The following ADAMTS18 variants were observed in gnomAD, a reference collection of about 807,000 sequenced individuals.
ADAMTS18 encodes A disintegrin and metalloproteinase with thrombospondin motifs 18.
ADAMTS18 carries 157 observed loss-of-function variants against 165.9 expected under a neutral mutation model. That is an observed-to-expected ratio of 0.95 (90% confidence interval 0.83 to 1.08). The LOEUF (loss-of-function observed/expected upper bound fraction) is 1.08, where lower values mean the gene tolerates loss of function less well. ADAMTS18 is among the 50% of genes least tolerant of loss of function. The probability of loss-of-function intolerance (pLI) is 0.00; values close to 1 mark genes in which losing one functional copy is unlikely to be tolerated. For synonymous variants in ADAMTS18, 782 were observed against 578.2 expected (o/e 1.35, Z -5.06); for missense variants, 2,040 against 1,534.0 (o/e 1.33, Z -5.51).
intron 10 of ADAMTS18, among the ~76,000 whole-genome samples, chr16:77,350,277 G>C (rs1232489983): frequency 1.1e-4 from 16 of 152,108 alleles, no homozygotes; most frequent in Admixed American, 1.0e-3. Context: ...TGAAGACACA[G>C]AAAACTCGTG....
chr16:77,331,888 G>T (rs959929463), intron 12 of ADAMTS18, among the ~76,000 whole-genome samples: 1 of 152,134 alleles, frequency 6.6e-6, no homozygotes, highest in Non-Finnish European at 1.5e-5. Flanking sequence ...ATATTTTGGG[G>T]AAAAAATAGA....
intron 3 of ADAMTS18, among the ~76,000 whole-genome samples, chr16:77,385,666 A>C (rs1376900832): frequency 2.0e-5 from 3 of 152,132 alleles, no homozygotes; most frequent in Non-Finnish European, 4.4e-5. Context: ...AGCTGTTAAG[A>C]GATGTGATTA....
intron 13 of ADAMTS18, among the ~76,000 whole-genome samples, 185 bp downstream of exon 13, chr16:77,325,678 GAAA>G (rs11410820): frequency 1.4e-5 from 2 of 142,270 alleles, no homozygotes; most frequent in African/African-American, 5.1e-5. Flanking sequence ...CTTATAGGGG[GAAA>G]AAAAAAAAAA....
intron 22 of ADAMTS18, among the ~76,000 whole-genome samples, chr16:77,284,484 G>A (rs1202958719): frequency 6.6e-6 from 1 of 152,008 alleles, no homozygotes; most frequent in African/African-American, 2.4e-5. Context: ...TTTTCTTAAG[G>A]TGAGGGCCTA....
At chr16:77,344,884 C>G (rs1032203013) in intron 10 of ADAMTS18, among the ~76,000 whole-genome samples, 1 of 152,146 alleles carries the variant, frequency 6.6e-6, no homozygotes, top group South Asian at 2.1e-4. Flanking sequence ...CTTGAGAAGG[C>G]TCCCTTTCAA....
chr16:77,363,317 TG>T (rs1330804907), intron 6 of ADAMTS18, among the ~76,000 whole-genome samples: 2 of 152,174 alleles, frequency 1.3e-5, no homozygotes, highest in Non-Finnish European at 2.9e-5. Context: ...AAGATGGTAC[TG>T]GGGATACAGT....
Position 77,371,259 on chromosome 16 carries a change from A to C in ADAMTS18, c.496-3536T>G, listed in dbSNP as rs4316773. Reference sequence around the variant, plus strand: ...AACAAAAACAAAAACAAAAACGGAGAAAAAGAAAAAAGAAAACACAATCCT... The same window carrying C: ...AACAAAAACAAAAACAAAAACGGAGCAAAAGAAAAAAGAAAACACAATCCT... On this transcript the variant is annotated intron_variant, in intron 3 of 22. Coordinates refer to ENST00000282849, the MANE Select transcript of ADAMTS18 (RefSeq NM_199355.4). 1.8e-3 allele frequency among the ~76,000 whole-genome samples: 271 copies of C among 152,176 alleles called. 1 individual carries two copies. Among genetic ancestry groups the C allele is most frequent in the African/African-American group, 6.4e-3 (266 of 41,524 alleles).
chr16:77,328,607 A>G (rs922345646), intron 12 of ADAMTS18, among the ~76,000 whole-genome samples: 1 of 152,202 alleles, frequency 6.6e-6, no homozygotes, highest in Non-Finnish European at 1.5e-5. Context: ...GACTTCTTAA[A>G]TGATTATCTG....
intron 3 of ADAMTS18, among the ~76,000 whole-genome samples, chr16:77,386,890 G>C (rs767420275): frequency 6.6e-6 from 1 of 152,148 alleles, no homozygotes; most frequent in Non-Finnish European, 1.5e-5. Context: ...TGTGAAATCT[G>C]TGAGTCTGCA....
Position 77,410,513 on chromosome 16 carries a change from G to A in ADAMTS18, c.495+20782C>T, listed in dbSNP as rs534664505. The stretch of plus-strand genomic sequence containing the variant: ...AGGCCTATGGAGGTACACTAAAGAT[G>A]GCAGTTTGAGAACTGCATCCCTAAT... On this transcript the variant is annotated intron_variant, in intron 3 of 22. Coordinates refer to ENST00000282849, the MANE Select transcript of ADAMTS18 (RefSeq NM_199355.4). Among the ~76,000 whole-genome samples, 4 of 152,150 alleles carry A rather than the reference G, an allele frequency of 2.6e-5. No individual in the cohort carries two copies. The East Asian group carries it at 7.8e-4, about 30-fold the overall frequency.
At chr16:77,330,344 A>T (rs2056167275) in intron 12 of ADAMTS18, among the ~76,000 whole-genome samples, 1 of 152,184 alleles carries the variant, frequency 6.6e-6, no homozygotes, top group Non-Finnish European at 1.5e-5. Context: ...AGGATCCCTT[A>T]TGGGGTGATA....
intron 3 of ADAMTS18, among the ~76,000 whole-genome samples, chr16:77,390,798 C>T (rs777814786): frequency 4.6e-4 from 70 of 152,112 alleles, no homozygotes; most frequent in Non-Finnish European, 6.8e-4. Context: ...AGTCACTACC[C>T]ATATGTGGTT....
intron 3 of ADAMTS18, chr16:77,379,092 A>C (rs371911182): frequency 2.0e-5 from 3 of 152,310 alleles, no homozygotes; most frequent in African/African-American, 7.2e-5. Context: ...CAAGGACTCT[A>C]GGTTTTAGTT....
intron 3 of ADAMTS18, among the ~76,000 whole-genome samples, chr16:77,373,498 A>AG (rs1205919574): frequency 6.6e-6 from 1 of 152,012 alleles, no homozygotes; most frequent in East Asian, 1.9e-4. Context: ...AGAAAAGAAA[A>AG]AAAAGTTATC....
intron 3 of ADAMTS18, among the ~76,000 whole-genome samples, chr16:77,430,878 T>C (rs2057729997): frequency 6.6e-6 from 1 of 152,186 alleles, no homozygotes; most frequent in Non-Finnish European, 1.5e-5. Context: ...AAAGTGAAGG[T>C]TGATCTTACC....
rs140015839 is a variant in ADAMTS18 at position 77,404,180 on chromosome 16, G to C, written c.495+27115C>G. The stretch of plus-strand genomic sequence containing the variant: ...AGGAGGAAGAGGAGGAGGTGGAGGA[G>C]CAAAAAAACGTGAATGAATAAATCA... On this transcript the variant is annotated intron_variant, in intron 3 of 22. Transcript: ENST00000282849. Among the ~76,000 whole-genome samples, 140 of 152,126 alleles carry C rather than the reference G, an allele frequency of 9.2e-4. 1 individual carries two copies. Among genetic ancestry groups the C allele is most frequent in the African/African-American group, 3.3e-3 (138 of 41,464 alleles).
chr16:77,430,309 G>A (rs1407380237), intron 3 of ADAMTS18, among the ~76,000 whole-genome samples: 3 of 152,118 alleles, frequency 2.0e-5, no homozygotes, highest in African/African-American at 7.2e-5. Flanking sequence ...TGTAATGAAA[G>A]GTTTTAGCTA....
intron 3 of ADAMTS18, among the ~76,000 whole-genome samples, chr16:77,405,618 C>T (rs527371777): frequency 1.3e-5 from 2 of 152,244 alleles, no homozygotes; most frequent in East Asian, 3.9e-4. Flanking sequence ...CAGGACTTTC[C>T]TAACAAAATA....
chr16:77,385,171 A>G (rs973644626), intron 3 of ADAMTS18, among the ~76,000 whole-genome samples: 5 of 152,094 alleles, frequency 3.3e-5, no homozygotes, highest in African/African-American at 1.2e-4. Context: ...AGCCTCCCAA[A>G]GTGTTGGGAT....
Sources: gnomAD v4.1 joint callset for allele counts (sites outside exome capture counted in the v4.1 genomes callset) on GRCh38, gnomAD v4.1.1 for gene constraint, MANE v1.5 for transcripts, NCBI Gene and HGNC (gene_info 2026-07-23, HGNC 2026-07-21) for gene names.